TEF: variants seen among roughly 807,000 people sequenced by gnomAD.
TEF encodes thyrotroph embryonic factor.
Under a neutral mutation model 20.8 loss-of-function variants are expected in TEF, and 3 were observed. The observed-to-expected ratio is 0.14, with a 90% confidence interval of 0.07 to 0.37. TEF has a LOEUF of 0.37. Ranked by LOEUF, TEF falls within the 10% of genes least tolerant of loss-of-function variation. The probability of loss-of-function intolerance (pLI) is 1.00; values close to 1 mark genes in which losing one functional copy is unlikely to be tolerated. For missense variants in TEF, 296 were observed against 397.9 expected (o/e 0.74, Z 2.18); for synonymous variants, 180 against 171.1 (o/e 1.05, Z -0.41).
At position 41,395,780 on chromosome 22, in the gene TEF, C is replaced by T. The variant is rs150298392; in HGVS notation, c.732C>T (p.Asn244=). 8.7e-5 allele frequency: 141 copies of T among 1,614,018 alleles called. 1 individual carries two copies. The highest frequency in any genetic ancestry group is 7.4e-4 in the South Asian group (67 of 91,094). The part of the protein sequence containing the change: ...EKYWTRRKKN[N]VAAKRSRDAR... ...ACTGGACAAGACGCAAGAAGAACAA[C>T]GTGGCAGCTAAACGGTCACGGGATG... Residue 244 remains asparagine (N), a synonymous_variant, in exon 4 of 4, where the codon AAC becomes AAT. Transcript: ENST00000266304.
intron 1 of TEF, among the ~76,000 whole-genome samples, chr22:41,368,666 G>A (rs1465764107): frequency 1.3e-5 from 2 of 152,226 alleles, no homozygotes; most frequent in Middle Eastern, 3.2e-3. Context: ...GAACGGGGAA[G>A]GACGTACTGG....
intron 3 of TEF, 84 bp from the exon 4 acceptor site, chr22:41,395,661 A>C (rs1307689663): frequency 3.7e-6 from 5 of 1,361,680 alleles, no homozygotes; most frequent in Non-Finnish European, 5.1e-6. Flanking sequence ...CAGATGAGTT[A>C]GGGGAATCCA....
At chr22:41,382,593 G>A (rs2037048237) in intron 1 of TEF, among the ~76,000 whole-genome samples, 1 of 152,102 alleles carries the variant, frequency 6.6e-6, no homozygotes, top group African/African-American at 2.4e-5. Context: ...ATTTTAAGGA[G>A]CACCCCACCG....
intron 1 of TEF, among the ~76,000 whole-genome samples, chr22:41,385,678 CTGTTTT>C (rs1338998040): frequency 6.6e-6 from 1 of 152,084 alleles, no homozygotes; most frequent in Admixed American, 6.6e-5. Flanking sequence ...ACAGCCTATT[CTGTTTT>C]TGTTTTTGTT....
At chr22:41,384,455 C>T (rs8136479) in intron 1 of TEF, among the ~76,000 whole-genome samples, 4,499 of 152,208 alleles carry the variant, frequency 0.03, 219 homozygotes, top group African/African-American at 0.1. Flanking sequence ...AACTCCACCC[C>T]TCTCCTTCCT....
At chr22:41,374,911 G>A (rs2036922213) in intron 1 of TEF, among the ~76,000 whole-genome samples, 1 of 152,050 alleles carries the variant, frequency 6.6e-6, no homozygotes, top group African/African-American at 2.4e-5. Context: ...CAAATTTAGT[G>A]TAACTTTTGT....
intron 1 of TEF, among the ~76,000 whole-genome samples, chr22:41,371,914 C>T (rs745355861): frequency 6.6e-5 from 10 of 152,126 alleles, no homozygotes; most frequent in Non-Finnish European, 1.3e-4. Flanking sequence ...GCCTTGGTGT[C>T]ATCCTCTTGG....
At chr22:41,391,655 ACT>A (rs1156699453) in intron 2 of TEF, among the ~76,000 whole-genome samples, 2 of 114,258 alleles carry the variant, frequency 1.8e-5, no homozygotes, top group Non-Finnish European at 3.6e-5. Context: ...AGGGAGTCTC[ACT>A]CTGTCGCCAG....
upstream of TEF, chr22:41,381,864 A>G (rs890698058): frequency 8.2e-7 from 1 of 1,221,138 alleles, no homozygotes; most frequent in Non-Finnish European, 1.0e-6. Flanking sequence ...GCCTGGCCTC[A>G]TGAATAATTA....
chr22:41,396,076 C>G lies in TEF; in HGVS notation c.*116C>G. On this transcript the variant is annotated 3_prime_UTR_variant, in exon 4 of 4. Transcript: ENST00000266304. ...GACTCGTCGTGGGCGCATGGCGGCGCACCTGCTGCAGGAGCGGCCACGTCT... is the reference window on the plus strand; with the variant it reads ...GACTCGTCGTGGGCGCATGGCGGCGGACCTGCTGCAGGAGCGGCCACGTCT... 1 of 1,172,446 alleles carries G rather than the reference C, an allele frequency of 8.5e-7. No individual in the cohort carries two copies. The highest frequency in any genetic ancestry group is 2.6e-5 in the Admixed American group (1 of 38,242). The allele number at this position is 1,172,446 out of a possible 1,614,324, so 72.6% of individuals were successfully genotyped here. A position where few individuals can be genotyped will look rare whatever the true frequency, so the allele number is the denominator to read the frequency against.
chr22:41,394,121 G>A lies in TEF; in HGVS notation c.501G>A (p.Glu167=). 6.2e-7 allele frequency: 1 copy of A among 1,614,126 alleles called. No individual in the cohort carries two copies. Among genetic ancestry groups the A allele is most frequent in the South Asian group, 1.1e-5 (1 of 91,084 alleles). Residue 167 remains glutamate (E), a synonymous_variant, in exon 3 of 4, where the codon GAG becomes GAA. Coordinates refer to ENST00000266304, the MANE Select transcript of TEF (RefSeq NM_003216.4). ...STESSLEKER[E]TPSPIDPNCV... ...AATCTTCCCTGGAGAAGGAGAGGGA[G>A]ACTCCCAGTCCCATCGACCCCAATT...
At position 41,396,049 on chromosome 22, in the gene TEF, A is replaced by T. The variant is rs1334384739; in HGVS notation, c.*89A>T. On this transcript the variant is annotated 3_prime_UTR_variant, in exon 4 of 4. Coordinates refer to ENST00000266304, the MANE Select transcript of TEF (RefSeq NM_003216.4). ...TAACCCCTCACACGCGTGGAGACTT[A>T]TGACTCGTCGTGGGCGCATGGCGGC... 4 of 1,408,074 alleles carry T rather than the reference A, an allele frequency of 2.8e-6. No individual in the cohort carries two copies. In the African/African-American group the frequency reaches 4.3e-5, roughly 15 times the overall value. 87.2% of individuals were successfully genotyped at this position (1,408,074 alleles called of 1,614,324 possible). A position where few individuals can be genotyped will look rare whatever the true frequency, so the allele number is the denominator to read the frequency against.
Position 41,384,655 on chromosome 22 carries a change from C to T in TEF, c.157+2454C>T, listed in dbSNP as rs1385076447. On this transcript the variant is annotated intron_variant, in intron 1 of 3. Coordinates refer to ENST00000266304, the MANE Select transcript of TEF (RefSeq NM_003216.4). Reference sequence around the variant, plus strand: ...CCCATAGTCCACCGTCTGCCTACCCCTTGTTGGGCCCTTGAGATCTGGAAA... The same window carrying T: ...CCCATAGTCCACCGTCTGCCTACCCTTTGTTGGGCCCTTGAGATCTGGAAA... 2.6e-5 allele frequency among the ~76,000 whole-genome samples: 4 copies of T among 152,214 alleles called. No individual in the cohort carries two copies. The South Asian group carries it at 8.3e-4, about 31-fold the overall frequency.
chr22:41,378,672 A>G (rs1886726536), upstream of TEF, among the ~76,000 whole-genome samples: 1 of 151,220 alleles, frequency 6.6e-6, no homozygotes, highest in East Asian at 2.0e-4. Flanking sequence ...GGGTTTCACC[A>G]CGTTGGCCAG....
At chr22:41,374,215 G>A (rs1033012245) in intron 1 of TEF, among the ~76,000 whole-genome samples, 2 of 152,006 alleles carry the variant, frequency 1.3e-5, no homozygotes, top group Non-Finnish European at 2.9e-5. Context: ...AGACCAGCCT[G>A]AGCAACATAG....
rs911208751 is a variant in TEF, at chr22:41,369,309, C to T, written c.67+1710C>T. On this transcript the variant is annotated intron_variant, in intron 1 of 3. Coordinates refer to the TEF transcript ENST00000406644. ...TCAGGGCCTGGCACATAGGGGACCGCCCAAGGTTTCAGGCAGAGCTTTGCC... is the reference window on the plus strand; with the variant it reads ...TCAGGGCCTGGCACATAGGGGACCGTCCAAGGTTTCAGGCAGAGCTTTGCC... 4 of 947,136 alleles carry T rather than the reference C, an allele frequency of 4.2e-6. No homozygotes were observed. The African/African-American group carries it at 7.1e-5, about 17-fold the overall frequency. The allele number at this position is 947,136 out of a possible 1,614,324, so 58.7% of individuals were successfully genotyped here.
chr22:41,373,770 T>TTG (rs1555963971), intron 1 of TEF, among the ~76,000 whole-genome samples: 7 of 149,598 alleles, frequency 4.7e-5, no homozygotes, highest in Non-Finnish European at 1.0e-4. Context: ...GCCCGGACTT[T>TTG]TTTTTTTTTT....
In TEF at chr22:41,387,617, C is replaced by G. The variant is rs1348280271; in HGVS notation, c.424C>G (p.Pro142Ala). Residue 142 changes from proline (P) to alanine (A), a missense_variant, in exon 2 of 4, where the codon CCA becomes GCA. Transcript: ENST00000266304. ...ESASSSTASP[P>A]SSSTAIFQPS... ...TGCCAGCTCTTCCACAGCATCCCCA[C>G]CATCCTCCTCCACTGCCATCTTTCA... 6.2e-7 allele frequency: 1 copy of G among 1,614,066 alleles called. No homozygotes were observed.
chr22:41,388,233 G>A (rs2037123627), intron 2 of TEF, among the ~76,000 whole-genome samples: 1 of 151,638 alleles, frequency 6.6e-6, no homozygotes, highest in Non-Finnish European at 1.5e-5. Context: ...CCTAACCTCT[G>A]GTGATCTGCC....
Sources: gnomAD v4.1 joint callset for allele counts (sites outside exome capture counted in the v4.1 genomes callset) on GRCh38, gnomAD v4.1.1 for gene constraint, MANE v1.5 for transcripts, NCBI Gene and HGNC (gene_info 2026-07-23, HGNC 2026-07-21) for gene names.